BRAF: variants seen among roughly 807,000 people sequenced by gnomAD.
The protein encoded by BRAF is B-Raf proto-oncogene, serine/threonine kinase, also known as serine/threonine-protein kinase B-raf.
In BRAF, 16 loss-of-function variants were observed where a neutral mutation model predicts 104.6. That is an observed-to-expected ratio of 0.15 (90% CI 0.10 to 0.23). The LOEUF is 0.23. Among genes scored for constraint, BRAF ranks in the 10% least tolerant of loss-of-function variants. The probability of loss-of-function intolerance (pLI) is 1.00; values close to 1 mark genes in which losing one functional copy is unlikely to be tolerated. For missense variants in BRAF, 541 were observed against 937.3 expected (o/e 0.58, Z 5.52); for synonymous variants, 310 against 341.6 (o/e 0.91, Z 1.02).
chr7:140,713,435 C>G, the BRAF span, among the ~76,000 whole-genome samples: 1 of 151,846 alleles, frequency 6.6e-6, no homozygotes, highest in Non-Finnish European at 1.5e-5. Flanking sequence ...CGTCACGTAG[C>G]TCTCGTGCCT....
At chr7:140,858,447 G>A (rs1307292247) in intron 1 of BRAF, among the ~76,000 whole-genome samples, 1 of 152,154 alleles carries the variant, frequency 6.6e-6, no homozygotes, top group Admixed American at 6.5e-5. Context: ...TCAAAGCCTT[G>A]GCAATTGGAC....
intron 1 of BRAF, among the ~76,000 whole-genome samples, chr7:140,906,065 G>A (rs1169915048): frequency 8.6e-6 from 1 of 115,672 alleles, no homozygotes; most frequent in African/African-American, 3.9e-5. Context: ...TCCAGCCTGG[G>A]CAACAGAGCG....
chr7:140,839,966 C>T (rs1485036685), intron 2 of BRAF, among the ~76,000 whole-genome samples: 1 of 152,190 alleles, frequency 6.6e-6, no homozygotes, highest in East Asian at 1.9e-4. Context: ...ACCAACTTGA[C>T]TGCCTGAGAA....
chr7:140,847,106 A>T (rs1313707166), intron 2 of BRAF, among the ~76,000 whole-genome samples: 1 of 152,110 alleles, frequency 6.6e-6, no homozygotes, highest in Non-Finnish European at 1.5e-5. Context: ...GTGAGCTGAG[A>T]TCGTGCTACT....
chr7:140,772,682 G>A (rs1202072566), intron 14 of BRAF, among the ~76,000 whole-genome samples: 4 of 152,048 alleles, frequency 2.6e-5, no homozygotes, highest in African/African-American at 9.7e-5. Context: ...CACTAGAGAA[G>A]AAAACAGGAA....
chr7:140,834,834 T>C lies in BRAF; in HGVS notation c.279A>G (p.Gln93=), dbSNP rs150050723. The C allele has an allele frequency of 6.2e-7, 1 of 1,614,190 alleles. No individual in the cohort carries two copies. The stretch of plus-strand genomic sequence containing the variant: ...ATTCCAATAACTGTTGTTCTCTTTG[T>C]TGGAGTGCATCTAGCTTGCTGGTGT... ...EEYTSKLDAL[Q]QREQQLLESL... is the part of the protein sequence containing the mutation. The change falls in exon 3 of 20, where the codon CAA becomes CAG. Residue 93 remains glutamine, a synonymous_variant. Transcript: ENST00000644969.
intron 16 of BRAF, among the ~76,000 whole-genome samples, chr7:140,750,650 TAGTAATAC>T (rs908733031): frequency 1.2e-4 from 18 of 152,340 alleles, no homozygotes; most frequent in African/African-American, 4.3e-4. Flanking sequence ...TAGTTGCTTT[TAGTAATAC>T]AGTACAAAAT....
chr7:140,906,145 T>G (rs1428607354), intron 1 of BRAF, among the ~76,000 whole-genome samples: 2 of 147,600 alleles, frequency 1.4e-5, no homozygotes, highest in African/African-American at 5.1e-5. Context: ...GTCAAGTCAA[T>G]TAATACTTTC....
rs7801086 is a variant in BRAF, at chr7:140,755,173, G to A, written c.1815-940C>T. On this transcript the variant is annotated intron_variant, in intron 14 of 19. Coordinates refer to ENST00000644969, the MANE Select transcript of BRAF (RefSeq NM_001374258.1). Reference sequence around the variant, plus strand: ...TTTATTTCTTTGTATACCCAGTGCCGAGAACAGTGCTTGGTATGTGTGGTA... The same window carrying A: ...TTTATTTCTTTGTATACCCAGTGCCAAGAACAGTGCTTGGTATGTGTGGTA... Among the ~76,000 whole-genome samples, 12 of 152,068 alleles carry A rather than the reference G, an allele frequency of 7.9e-5. No homozygotes were observed. In the East Asian group the frequency reaches 2.1e-3, roughly 27 times the overall value.
In BRAF at chr7:140,834,658, G is replaced by A; in HGVS notation, c.455C>T (p.Pro152Leu). Residue 152 changes from proline (P) to leucine (L), a missense_variant, in exon 3 of 20, where the codon CCA becomes CTA. This residue lies in a region of BRAF where 86 missense variants were observed against 133.9 expected (regional missense o/e 0.64). Transcript: ENST00000644969. ...TDVARSNPKSPQKPIVRVFLP... is the reference protein window; with the variant it reads ...TDVARSNPKSLQKPIVRVFLP... ...GAAGACTCTAACGATAGGTTTTTGTGGTGACTTGGGGTTGCTCCGTGCCAC... is the reference window on the plus strand; with the variant it reads ...GAAGACTCTAACGATAGGTTTTTGTAGTGACTTGGGGTTGCTCCGTGCCAC... The A allele has an allele frequency of 1.2e-6, 2 of 1,614,134 alleles. No individual in the cohort carries two copies. Among genetic ancestry groups the A allele is most frequent in the Non-Finnish European group, 1.7e-6 (2 of 1,179,994 alleles).
intron 16 of BRAF, among the ~76,000 whole-genome samples, chr7:140,751,003 G>A (rs973282277): frequency 6.6e-6 from 1 of 152,122 alleles, no homozygotes; most frequent in Non-Finnish European, 1.5e-5. Flanking sequence ...CACAGCCTTA[G>A]TTATGACCAA....
chr7:140,723,393 T>C lies in BRAF; in HGVS notation c.*3101A>G. On this transcript the variant is annotated 3_prime_UTR_variant, in exon 20 of 20. Transcript: ENST00000644969. ...ATAAATATAGCATATATCATTTGTA[T>C]GGGATTTTATCTTCTAAAATGCCCC... 9.5e-7 allele frequency: 1 copy of C among 1,054,482 alleles called. No homozygotes were observed. The highest frequency in any genetic ancestry group is 1.1e-6 in the Non-Finnish European group (1 of 872,654). The allele number at this position is 1,054,482 out of a possible 1,614,324, so 65.3% of individuals were successfully genotyped here. A position where few individuals can be genotyped will look rare whatever the true frequency, so the allele number is the denominator to read the frequency against.
chr7:140,862,862 T>C (rs1414164026), intron 1 of BRAF, among the ~76,000 whole-genome samples: 2 of 152,204 alleles, frequency 1.3e-5, no homozygotes, highest in Non-Finnish European at 2.9e-5. Flanking sequence ...GTATGGTATA[T>C]GAATTATGCC....
At chr7:140,912,693 T>C (rs1817122321) in intron 1 of BRAF, among the ~76,000 whole-genome samples, 1 of 152,076 alleles carries the variant, frequency 6.6e-6, no homozygotes, top group Non-Finnish European at 1.5e-5. Context: ...AATCAAAACA[T>C]CTCCTTCAAT....
At chr7:140,788,446 T>C (rs1801617330) in intron 8 of BRAF, among the ~76,000 whole-genome samples, 1 of 152,156 alleles carries the variant, frequency 6.6e-6, no homozygotes, top group Admixed American at 6.5e-5. Flanking sequence ...AAAATAATTA[T>C]GAAGCTTGAA....
chr7:140,923,254 G>A (rs1818420190), intron 1 of BRAF, among the ~76,000 whole-genome samples: 1 of 152,068 alleles, frequency 6.6e-6, no homozygotes, highest in Non-Finnish European at 1.5e-5. Flanking sequence ...GATGTTAATA[G>A]TAAGTAGCAA....
chr7:140,744,141 G>C (rs528734431), intron 17 of BRAF, among the ~76,000 whole-genome samples: 1 of 152,358 alleles, frequency 6.6e-6, no homozygotes, highest in South Asian at 2.1e-4. Context: ...CAGACAGACT[G>C]TGCTAACAAT....
chr7:140,794,112 G>A (rs1025484384), intron 8 of BRAF, among the ~76,000 whole-genome samples, 196 bp downstream of exon 8: 1 of 152,120 alleles, frequency 6.6e-6, no homozygotes, highest in East Asian at 1.9e-4. Context: ...GTATAACCTG[G>A]AGTCAGTGAA....
chr7:140,842,981 G>T (rs1808138246), intron 2 of BRAF, among the ~76,000 whole-genome samples: 1 of 152,150 alleles, frequency 6.6e-6, no homozygotes, highest in South Asian at 2.1e-4. Context: ...ATAAGTAGTT[G>T]AAGATTTATC....
Sources: allele counts gnomAD v4.1 joint callset (sites outside exome capture counted in the v4.1 genomes callset), GRCh38; gene constraint gnomAD v4.1.1; regional missense constraint gnomAD v4.1.1; transcripts MANE v1.5; gene names NCBI Gene and HGNC (gene_info 2026-07-23, HGNC 2026-07-21).